The following SNX29 variants were observed in gnomAD, a reference collection of about 807,000 sequenced individuals.
The protein encoded by SNX29 is sorting nexin 29, also known as sorting nexin-29.
A neutral mutation model predicts 102.1 loss-of-function variants in SNX29; 78 were observed. The ratio of observed to expected loss-of-function variants is 0.76; its 90% CI spans 0.64 to 0.92. The LOEUF (loss-of-function observed/expected upper bound fraction) is 0.92, where lower values mean the gene tolerates loss of function less well. Ranked by LOEUF, SNX29 falls within the 40% of genes least tolerant of loss-of-function variation. SNX29 has a pLI of 0.00. For synonymous variants in SNX29, 580 were observed against 414.5 expected (o/e 1.40, Z -4.85); for missense variants, 1,280 against 1,061.7 (o/e 1.21, Z -2.86).
chr16:12,246,263 TCTC>T (rs1056941282), intron 14 of SNX29, among the ~76,000 whole-genome samples: 3 of 152,016 alleles, frequency 2.0e-5, no homozygotes, highest in East Asian at 3.9e-4. Flanking sequence ...CTCATAATTT[TCTC>T]CTCCTTTCTG....
chr16:12,209,246 G>T (rs1471930073), intron 14 of SNX29, among the ~76,000 whole-genome samples: 1 of 152,192 alleles, frequency 6.6e-6, no homozygotes, highest in Non-Finnish European at 1.5e-5. Flanking sequence ...GCAGATTGTG[G>T]TAGGATGATC....
At chr16:12,505,516 A>G (rs1310984100) in intron 19 of SNX29, among the ~76,000 whole-genome samples, 1 of 152,096 alleles carries the variant, frequency 6.6e-6, no homozygotes, top group Non-Finnish European at 1.5e-5. Flanking sequence ...AACAAATCTT[A>G]TTTTGTATAT....
chr16:12,548,994 T>C (rs1342622890), intron 20 of SNX29, among the ~76,000 whole-genome samples: 1 of 152,214 alleles, frequency 6.6e-6, no homozygotes, highest in Non-Finnish European at 1.5e-5. Flanking sequence ...TCTCCCGTGC[T>C]TTGGGTCCGT....
intron 1 of SNX29, among the ~76,000 whole-genome samples, chr16:11,979,688 ATTC>A (rs2055374077): frequency 6.6e-6 from 1 of 152,070 alleles, no homozygotes; most frequent in Non-Finnish European, 1.5e-5. Flanking sequence ...GGTTCAAGCA[ATTC>A]TTCTGCCTCA....
intron 18 of SNX29, among the ~76,000 whole-genome samples, chr16:12,468,995 G>C (rs1460850136): frequency 6.6e-6 from 1 of 152,202 alleles, no homozygotes; most frequent in East Asian, 1.9e-4. Flanking sequence ...AACGTAATCT[G>C]TGCACCTCAG....
chr16:12,537,407 GGCTCAAATTCCA>G (rs1289588947), intron 20 of SNX29, among the ~76,000 whole-genome samples: 1 of 152,160 alleles, frequency 6.6e-6, no homozygotes. Flanking sequence ...AACAGACCTG[GGCTCAAATTCCA>G]GCTCAACTAC....
chr16:12,385,968 A>T (rs1334108512), intron 16 of SNX29, among the ~76,000 whole-genome samples: 4 of 152,336 alleles, frequency 2.6e-5, no homozygotes, highest in South Asian at 4.1e-4. Context: ...CTGGGAGCAG[A>T]AGACGATGTC....
chr16:12,551,746 C>T (rs993696596), intron 20 of SNX29, among the ~76,000 whole-genome samples: 6 of 152,346 alleles, frequency 3.9e-5, no homozygotes, highest in Middle Eastern at 6.8e-3. Flanking sequence ...AGAAATACTT[C>T]CTGGCTGCCT....
chr16:12,261,440 G>GCA, intron 14 of SNX29, among the ~76,000 whole-genome samples: 1 of 127,702 alleles, frequency 7.8e-6, no homozygotes, highest in Admixed American at 8.6e-5. Flanking sequence ...CTGTGCACGT[G>GCA]TCCCCCGCTG....
intron 20 of SNX29, among the ~76,000 whole-genome samples, chr16:12,548,876 T>TG (rs959591280): frequency 1.7e-3 from 252 of 152,360 alleles, no homozygotes; most frequent in African/African-American, 5.5e-3. Flanking sequence ...GCCCTTGGCC[T>TG]GAACCCTACA....
chr16:12,515,133 G>C (rs1331260572), intron 19 of SNX29, among the ~76,000 whole-genome samples: 1 of 152,052 alleles, frequency 6.6e-6, no homozygotes, highest in East Asian at 1.9e-4. Flanking sequence ...CTGTGGGAGG[G>C]CTCCCTAACC....
chr16:12,492,210 A>G (rs905556213), intron 19 of SNX29, among the ~76,000 whole-genome samples: 43 of 152,178 alleles, frequency 2.8e-4, no homozygotes, highest in Non-Finnish European at 5.1e-4. Flanking sequence ...TGACTTTTTA[A>G]TGATCGCCAT....
chr16:12,267,717 C>A (rs183043337), intron 14 of SNX29, among the ~76,000 whole-genome samples: 1 of 152,168 alleles, frequency 6.6e-6, no homozygotes, highest in African/African-American at 2.4e-5. Context: ...CGCAATGGAA[C>A]GGCAAGTTAT....
intron 13 of SNX29, chr16:12,135,713 C>T (rs1207598093): frequency 3.4e-6 from 3 of 888,414 alleles, no homozygotes; most frequent in Non-Finnish European, 4.8e-6. Flanking sequence ...TGTATGTGAG[C>T]CAATAAATTG....
intron 15 of SNX29, among the ~76,000 whole-genome samples, chr16:12,332,326 T>G (rs909088426): frequency 6.6e-6 from 1 of 152,176 alleles, no homozygotes; most frequent in African/African-American, 2.4e-5. Context: ...TGCATCTGGC[T>G]TTCCCCTGCA....
intron 19 of SNX29, among the ~76,000 whole-genome samples, chr16:12,493,058 A>G (rs1317482476): frequency 6.6e-6 from 1 of 152,108 alleles, no homozygotes; most frequent in Non-Finnish European, 1.5e-5. Flanking sequence ...GTTTTTTCCA[A>G]TTCTGTGAAG....
chr16:12,433,580 G>A (rs147642371), intron 18 of SNX29, among the ~76,000 whole-genome samples: 13,143 of 148,920 alleles, frequency 0.088, 706 homozygotes, highest in Middle Eastern at 0.18. Flanking sequence ...GCAGTGAGCC[G>A]AGATCATGCC....
chr16:12,102,688 A>C (rs2053071512), intron 11 of SNX29, among the ~76,000 whole-genome samples: 1 of 152,194 alleles, frequency 6.6e-6, no homozygotes, highest in South Asian at 2.1e-4. Context: ...CCTATTCAAC[A>C]TAGTATTGCA....
At chr16:12,477,980 A>C in intron 19 of SNX29, 121 bp downstream of exon 19, 3 of 1,163,362 alleles carry the variant, frequency 2.6e-6, no homozygotes, top group Non-Finnish European at 3.5e-6. Context: ...GGTGGAGATA[A>C]GAAAAAAATA....
Sources: gnomAD v4.1 joint callset for allele counts (sites outside exome capture counted in the v4.1 genomes callset) on GRCh38, gnomAD v4.1.1 for gene constraint, MANE v1.5 for transcripts, NCBI Gene and HGNC (gene_info 2026-07-23, HGNC 2026-07-21) for gene names.